Variants in PUDP observed in about 807,000 individuals in gnomAD.
PUDP encodes pseudouridine-5'-phosphatase.
Under a neutral mutation model 9.4 loss-of-function variants are expected in PUDP, and 8 were observed. That is an observed-to-expected ratio of 0.85 (90% CI 0.50 to 1.53). PUDP has a LOEUF of 1.53. Ranked by LOEUF, PUDP falls within the 40% of genes most tolerant of loss-of-function variation. The probability of loss-of-function intolerance (pLI) is 0.00; values close to 1 mark genes in which losing one functional copy is unlikely to be tolerated. For missense variants in PUDP, 188 were observed against 189.7 expected, an observed-to-expected ratio of 0.99 and a Z score of 0.05; for synonymous variants, 99 against 80.7, an observed-to-expected ratio of 1.23 and a Z score of -1.22.
At chrX:6,970,372 T>C (rs1219282366) in intron 3 of PUDP, among the ~76,000 whole-genome samples, 1 of 112,120 alleles carries the variant, frequency 8.9e-6, no homozygotes, top group Non-Finnish European at 1.9e-5. Context: ...TTAAATAAAT[T>C]ATTCCTTTTG....
chrX:6,882,645 C>G (rs182614162), intron 3 of PUDP, among the ~76,000 whole-genome samples: 1,307 of 111,198 alleles, frequency 0.012, 66 homozygotes, highest in Admixed American at 0.11. Context: ...GTGGTTAAGG[C>G]AATAAAGAAA....
At chrX:6,947,734 G>A (rs1040027483) in intron 3 of PUDP, among the ~76,000 whole-genome samples, 15 of 110,419 alleles carry the variant, frequency 1.4e-4, no homozygotes, top group Non-Finnish European at 2.5e-4. Context: ...CAAGGTTACA[G>A]TGCACTGTGA....
intron 3 of PUDP, among the ~76,000 whole-genome samples, chrX:6,958,035 A>C (rs1272742113): frequency 8.9e-6 from 1 of 112,154 alleles, no homozygotes; most frequent in African/African-American, 3.2e-5. Flanking sequence ...CAGCAAGGCC[A>C]TTTTTACTTC....
intron 2 of PUDP, among the ~76,000 whole-genome samples, chrX:7,083,640 CCTACAATCT>C: frequency 9.0e-6 from 1 of 110,800 alleles, no homozygotes; most frequent in Admixed American, 9.6e-5. Flanking sequence ...GTGGCTCATG[CCTACAATCT>C]CAGCACTTTG....
chrX:6,849,542 T>C (rs1454531209), intron 3 of PUDP, among the ~76,000 whole-genome samples: 1 of 111,379 alleles, frequency 9.0e-6, no homozygotes, highest in African/African-American at 3.3e-5. Context: ...AACTTACAAG[T>C]TGGTTGGAGG....
At chrX:6,933,569 G>C (rs959354783) in intron 3 of PUDP, among the ~76,000 whole-genome samples, 6 of 111,546 alleles carry the variant, frequency 5.4e-5, no homozygotes, top group Non-Finnish European at 1.1e-4. Context: ...ACTCTAAAAA[G>C]CAGAGCGCCT....
chrX:7,003,101 G>C (rs1005406723), intron 1 of PUDP, among the ~76,000 whole-genome samples: 2 of 112,032 alleles, frequency 1.8e-5, no homozygotes, highest in African/African-American at 6.5e-5. Context: ...TTCCTGAGAC[G>C]AAACAGTTTT....
In PUDP at chrX:6,977,829, G is replaced by A. The variant is rs1474754485; in HGVS notation, c.*137+336C>T. ...GTCAGCACTTGCATAGACAATGCAT[G>A]AGCTAGCTCCACAGTCTGAATCTGA... On this transcript the variant is annotated intron_variant and NMD_transcript_variant, in intron 2 of 3. Transcript: ENST00000655425. Among the ~76,000 whole-genome samples the A allele has an allele frequency of 6.2e-5, 7 of 112,835 alleles. No homozygotes were observed. In the Admixed American group the frequency reaches 6.5e-4, roughly 11 times the overall value.
chrX:7,089,874 A>G (rs1171964067), intron 2 of PUDP, among the ~76,000 whole-genome samples: 2 of 112,075 alleles, frequency 1.8e-5, no homozygotes, highest in Non-Finnish European at 3.8e-5. Flanking sequence ...AAGAGGTGAA[A>G]GAAAAGAGGG....
At chrX:6,840,716 A>C (rs1220351370) in intron 3 of PUDP, among the ~76,000 whole-genome samples, 2 of 110,217 alleles carry the variant, frequency 1.8e-5, no homozygotes, top group African/African-American at 6.6e-5. Context: ...AACGTACAAC[A>C]TCAGGAGTGA....
chrX:6,802,078 A>G (rs189247298), intron 3 of PUDP, among the ~76,000 whole-genome samples: 19 of 112,213 alleles, frequency 1.7e-4, no homozygotes, highest in African/African-American at 6.1e-4. Context: ...TATTTACTCC[A>G]ATAGTAACAT....
intron 2 of PUDP, among the ~76,000 whole-genome samples, chrX:7,088,618 AG>A (rs1442659624): frequency 8.9e-6 from 1 of 112,204 alleles, no homozygotes; most frequent in Admixed American, 9.5e-5. Context: ...TGACTAGACT[AG>A]GACTTAAACA....
At chrX:6,735,655 T>C (rs926590015) in intron 3 of PUDP, among the ~76,000 whole-genome samples, 3 of 111,542 alleles carry the variant, frequency 2.7e-5, no homozygotes, top group Non-Finnish European at 5.6e-5. Flanking sequence ...CAACCAACCT[T>C]CACTCCCCTC....
intron 3 of PUDP, among the ~76,000 whole-genome samples, chrX:6,964,492 G>C (rs937084871): frequency 1.8e-5 from 2 of 110,689 alleles, no homozygotes; most frequent in Non-Finnish European, 3.8e-5. Flanking sequence ...GCGCAACATA[G>C]TGAGACTCTG....
chrX:6,919,411 T>C (rs1429211402), intron 3 of PUDP, among the ~76,000 whole-genome samples: 1 of 111,493 alleles, frequency 9.0e-6, no homozygotes, highest in East Asian at 2.8e-4. Context: ...AGGGCTGTTA[T>C]TTGGCATCAT....
chrX:7,120,452 C>G (rs1188943326), intron 1 of PUDP, among the ~76,000 whole-genome samples: 1 of 111,506 alleles, frequency 9.0e-6, no homozygotes, highest in Non-Finnish European at 1.9e-5. Context: ...CACAGCCCTG[C>G]CAATACCTTG....
chrX:6,888,752 T>C (rs1480507871), intron 3 of PUDP, among the ~76,000 whole-genome samples: 1 of 111,987 alleles, frequency 8.9e-6, no homozygotes, highest in Admixed American at 9.5e-5. Flanking sequence ...GGCATCCTCA[T>C]TAATGACTCC....
chrX:7,080,389 G>GA (rs911091930), intron 2 of PUDP, among the ~76,000 whole-genome samples: 1 of 111,120 alleles, frequency 9.0e-6, no homozygotes, highest in African/African-American at 3.3e-5. Context: ...AACTTCCCAA[G>GA]AAAAAAAGGA....
intron 3 of PUDP, among the ~76,000 whole-genome samples, chrX:6,916,420 T>TTC (rs1927936288): frequency 9.1e-6 from 1 of 109,680 alleles, no homozygotes; most frequent in Admixed American, 9.8e-5. Context: ...AGTTTTTTTT[T>TTC]TTTTTGCAAT....
Sources: allele counts gnomAD v4.1 joint callset (sites outside exome capture counted in the v4.1 genomes callset), GRCh38; gene constraint gnomAD v4.1.1; transcripts MANE v1.5; gene names NCBI Gene and HGNC (gene_info 2026-07-23, HGNC 2026-07-21).